The following TJP2 variants were observed in gnomAD, a reference collection of about 807,000 sequenced individuals.
The protein encoded by TJP2 is tight junction protein 2.
Under a neutral mutation model 133.1 loss-of-function variants are expected in TJP2, and 91 were observed. The ratio of observed to expected loss-of-function variants is 0.68; its 90% CI spans 0.58 to 0.81. The LOEUF (loss-of-function observed/expected upper bound fraction) is 0.81, where lower values mean the gene tolerates loss of function less well. Ranked by LOEUF, TJP2 falls within the 40% of genes least tolerant of loss-of-function variation. TJP2 has a pLI of 0.00. For missense variants in TJP2, 1,541 were observed against 1,565.6 expected (o/e 0.98, Z 0.26); for synonymous variants, 592 against 583.4 (o/e 1.01, Z -0.21).
At chr9:69,204,963 CT>C (rs1827280064) in intron 1 of TJP2, 2 of 1,303,586 alleles carry the variant, frequency 1.5e-6, no homozygotes, top group African/African-American at 3.0e-5. Context: ...AAACTGCTTT[CT>C]TTTTTGCTCA....
chr9:69,237,163 A>G, intron 14 of TJP2, 27 bp downstream of exon 14: 1 of 1,613,584 alleles, frequency 6.2e-7, no homozygotes, highest in Non-Finnish European at 8.5e-7. Context: ...GGGCCTGGAA[A>G]TGAACTGACT....
At chr9:69,156,698 A>G (rs1233587389) in intron 2 of TJP2, among the ~76,000 whole-genome samples, 1 of 151,498 alleles carries the variant, frequency 6.6e-6, no homozygotes, top group Non-Finnish European at 1.5e-5. Flanking sequence ...CGCCCGGCTA[A>G]TTTTTTGTGT....
intron 1 of TJP2, among the ~76,000 whole-genome samples, chr9:69,201,148 G>A (rs980128072): frequency 6.6e-6 from 1 of 152,160 alleles, no homozygotes; most frequent in South Asian, 2.1e-4. Context: ...GGGGTGATTT[G>A]TCTTTCTGTC....
rs1829902230 is a variant in TJP2, at chr9:69,232,964, C to T, written c.1672-1475C>T. On this transcript the variant is annotated intron_variant, in intron 11 of 22. Coordinates refer to ENST00000377245, the MANE Select transcript of TJP2 (RefSeq NM_004817.4). ...GACTGAAGGACTCCCAAGGTCCTCC[C>T]ACAGCCTTGTGGCCCTGTCTTATTT... Among the ~76,000 whole-genome samples, 3 of 152,174 alleles carry T rather than the reference C, an allele frequency of 2.0e-5. No individual in the cohort carries two copies. In the South Asian group the frequency reaches 6.2e-4, roughly 32 times the overall value.
At chr9:69,186,693 CAATG>C (rs1301648593) in intron 1 of TJP2, among the ~76,000 whole-genome samples, 17 of 152,194 alleles carry the variant, frequency 1.1e-4, no homozygotes, top group African/African-American at 3.9e-4. Context: ...GGTTTTAAAT[CAATG>C]TATGTATTTC....
At chr9:69,214,311 C>T (rs552876660) in intron 2 of TJP2, among the ~76,000 whole-genome samples, 40 of 152,202 alleles carry the variant, frequency 2.6e-4, no homozygotes, top group Non-Finnish European at 5.0e-4. Flanking sequence ...ATCTCGAACT[C>T]CTGGACTCAA....
intron 2 of TJP2, among the ~76,000 whole-genome samples, chr9:69,213,737 C>T (rs1211589100): frequency 6.6e-6 from 1 of 152,208 alleles, no homozygotes; most frequent in Non-Finnish European, 1.5e-5. Context: ...CTCTCCTCTG[C>T]CCTTTCCCTG....
upstream of TJP2, chr9:69,173,926 C>T (rs2132930755): frequency 1.0e-6 from 1 of 983,998 alleles, no homozygotes; most frequent in South Asian, 4.7e-5. Context: ...TGCTCCAGTG[C>T]ACGCCGCGGA....
At chr9:69,172,348 C>A (rs1307171028), upstream of TJP2, among the ~76,000 whole-genome samples, 4 of 152,178 alleles carry the variant, frequency 2.6e-5, no homozygotes, top group Non-Finnish European at 5.9e-5. Flanking sequence ...TAGTGCAGTC[C>A]AACAGAACTT....
chr9:69,236,802 C>G (rs1563946253), intron 13 of TJP2, 147 bp from the exon 14 acceptor site: 9 of 960,524 alleles, frequency 9.4e-6, no homozygotes, highest in Non-Finnish European at 1.5e-5. Flanking sequence ...GTGAAGGTCC[C>G]CACATTTCCC....
At chr9:69,218,383 C>G (rs748450068) in intron 4 of TJP2, 24 bp downstream of exon 4, 3 of 1,598,250 alleles carry the variant, frequency 1.9e-6, no homozygotes, top group South Asian at 1.1e-5. Context: ...TTGCTTTCAG[C>G]TTGCCTTAAT....
intron 1 of TJP2, among the ~76,000 whole-genome samples, chr9:69,176,298 TGTG>T (rs1012871172): frequency 1.3e-5 from 2 of 152,084 alleles, no homozygotes; most frequent in Non-Finnish European, 2.9e-5. Flanking sequence ...GTACAAGGCA[TGTG>T]GTGGATGCTA....
chr9:69,148,476 G>A (rs953676824), intron 1 of TJP2, among the ~76,000 whole-genome samples: 8 of 150,974 alleles, frequency 5.3e-5, no homozygotes, highest in Non-Finnish European at 1.0e-4. Flanking sequence ...CCGGGTTGAA[G>A]CAATTCTCCT....
At chr9:69,173,283 C>A (rs1050122896), upstream of TJP2, among the ~76,000 whole-genome samples, 1 of 152,182 alleles carries the variant, frequency 6.6e-6, no homozygotes, top group Non-Finnish European at 1.5e-5. Flanking sequence ...TTTAAGATTT[C>A]AAACCCAAGG....
intron 1 of TJP2, among the ~76,000 whole-genome samples, chr9:69,130,238 A>G (rs1435530832): frequency 6.6e-6 from 1 of 152,038 alleles, no homozygotes; most frequent in East Asian, 1.9e-4. Context: ...GCTCGCTATA[A>G]CCTGACCTCA....
rs192546902 is a variant in TJP2, at chr9:69,204,927, G to A, written c.61-7621G>A. On this transcript the variant is annotated intron_variant, in intron 1 of 22. Coordinates refer to ENST00000377245, the MANE Select transcript of TJP2 (RefSeq NM_004817.4). The stretch of plus-strand genomic sequence containing the variant: ...GGCAAGGGAGAGAGAGGGAGAGAAA[G>A]AAAGCTGTTGAAGTGGTGCAAATCC... The A allele has an allele frequency of 4.7e-3, 5,927 of 1,252,966 alleles. 22 individuals are homozygous for A. Among genetic ancestry groups the A allele is most frequent in the Non-Finnish European group, 5.0e-3 (4,992 of 998,814 alleles). The allele number at this position is 1,252,966 out of a possible 1,614,324, so 77.6% of individuals were successfully genotyped here. A position where few individuals can be genotyped will look rare whatever the true frequency, so the allele number is the denominator to read the frequency against.
At chr9:69,244,698 A>C (rs1830806565) in intron 17 of TJP2, among the ~76,000 whole-genome samples, 2 of 152,246 alleles carry the variant, frequency 1.3e-5, no homozygotes. Context: ...AAGGGAAGGC[A>C]GCTTCATGTC....
chr9:69,225,348 AC>A lies in TJP2; in HGVS notation c.1000del (p.Arg334GlufsTer16), dbSNP rs762088332. On this transcript the variant is annotated frameshift_variant, in exon 6 of 23. Transcript: ENST00000377245. LOFTEE classifies it high-confidence loss of function. Reference protein sequence around the residue: ...LGSQIFVKEMTRTGLATKDGN... With the variant: ...LGSQIFVKEMXRTGLATKDGN... ...GAGTCAGATCTTCGTAAAGGAAATG[AC>A]CCGAACGGGTCTGGCAACTAAAGAT... 1.2e-6 allele frequency: 2 copies of A among 1,613,982 alleles called. No homozygotes were observed. Among genetic ancestry groups the A allele is most frequent in the Non-Finnish European group, 1.7e-6 (2 of 1,179,946 alleles).
Position 69,163,269 on chromosome 9 carries a change from C to T in TJP2, c.-10+11498C>T, listed in dbSNP as rs1309955952. Among the ~76,000 whole-genome samples, 10 of 44,366 alleles carry T rather than the reference C, an allele frequency of 2.3e-4. 2 individuals carry two copies. Among genetic ancestry groups the T allele is most frequent in the African/African-American group, 7.2e-4 (8 of 11,154 alleles). 29.1% of individuals were successfully genotyped at this position (44,366 alleles called of 152,430 possible). On this transcript the variant is annotated intron_variant, in intron 2 of 5. Transcript: ENST00000423935. ...GTCTCGATCTCCTGACCTCGTGATC[C>T]GCCCGCCTCGGCCTCCCAAAGTGCT...
Sources: gnomAD v4.1 joint callset for allele counts (sites outside exome capture counted in the v4.1 genomes callset) on GRCh38, gnomAD v4.1.1 for gene constraint, MANE v1.5 for transcripts, NCBI Gene and HGNC (gene_info 2026-07-23, HGNC 2026-07-21) for gene names.